DENND2B: variants seen among roughly 807,000 people sequenced by gnomAD.
DENND2B encodes DENN domain containing 2B.
DENND2B carries 32 observed loss-of-function variants against 116.0 expected under a neutral mutation model. That is an observed-to-expected ratio of 0.28 (90% CI 0.21 to 0.37). The LOEUF is 0.37. Ranked by LOEUF, DENND2B falls within the 10% of genes least tolerant of loss-of-function variation. The probability of loss-of-function intolerance (pLI) is 1.00; values close to 1 mark genes in which losing one functional copy is unlikely to be tolerated. For missense variants in DENND2B, 1,276 were observed against 1,477.7 expected, an observed-to-expected ratio of 0.86 and a Z score of 2.24; for synonymous variants, 588 against 583.9, an observed-to-expected ratio of 1.01 and a Z score of -0.10.
Position 8,712,903 on chromosome 11 carries a change from C to A in DENND2B, c.1988-168G>T, listed in dbSNP as rs1370281218. Among the ~76,000 whole-genome samples, 3 of 152,184 alleles carry A rather than the reference C, an allele frequency of 2.0e-5. No individual in the cohort carries two copies. Among genetic ancestry groups the A allele is most frequent in the Non-Finnish European group, 4.4e-5 (3 of 68,032 alleles). On this transcript the variant is annotated intron_variant, in intron 8 of 19. Coordinates refer to ENST00000313726, the MANE Select transcript of DENND2B (RefSeq NM_213618.2). The surrounding 1 kb of genome is among the most constrained non-coding windows in gnomAD (Gnocchi z 4.4). ...AGGACCGGCAGGCACAAGGTGCTGA[C>A]CCCTGCACAAAGACTCTGCCCTGAC...
chr11:8,861,831 G>A (rs980937510), intron 2 of DENND2B, among the ~76,000 whole-genome samples: 1 of 152,180 alleles, frequency 6.6e-6, no homozygotes, highest in Non-Finnish European at 1.5e-5. Context: ...TATACACCAT[G>A]GAATACTACT....
At position 8,867,947 on chromosome 11, in the gene DENND2B, T is replaced by C. The variant is rs74054242; in HGVS notation, c.-250+3007A>G. On this transcript the variant is annotated intron_variant, in intron 2 of 6. Coordinates refer to the DENND2B transcript ENST00000524757. The stretch of plus-strand genomic sequence containing the variant: ...AAAAGGCACATCAACTTACCTAAGA[T>C]GTTTAGGGCGAGGAAAAGCTTTTAA... 7.5e-3 allele frequency among the ~76,000 whole-genome samples: 1,145 copies of C among 152,282 alleles called. 11 individuals carry two copies. The highest frequency in any genetic ancestry group is 0.026 in the African/African-American group (1,081 of 41,554).
At position 8,700,139 on chromosome 11, in the gene DENND2B, T is replaced by C. The variant is rs530791252; in HGVS notation, c.2721-749A>G. 2.2e-4 allele frequency: 83 copies of C among 384,576 alleles called. 1 individual carries two copies. The highest frequency in any genetic ancestry group is 9.0e-4 in the African/African-American group (43 of 47,746). The allele number at this position is 384,576 out of a possible 1,614,324, so 23.8% of individuals were successfully genotyped here. A position where few individuals can be genotyped will look rare whatever the true frequency, so the allele number is the denominator to read the frequency against. On this transcript the variant is annotated intron_variant, in intron 14 of 19. Transcript: ENST00000313726. Reference sequence around the variant, plus strand: ...AGAACCTTCAGGAAAAGAAACCTCATGGTCCAGGCTCTCTTAGGGGCCACT... The same window carrying C: ...AGAACCTTCAGGAAAAGAAACCTCACGGTCCAGGCTCTCTTAGGGGCCACT...
chr11:8,774,143 T>C, intron 1 of DENND2B: 1 of 985,490 alleles, frequency 1.0e-6, no homozygotes, highest in Non-Finnish European at 1.2e-6. Context: ...GTGCTTTCTT[T>C]CTGGGCAGCA....
chr11:8,802,049 C>G (rs983668122), intron 1 of DENND2B, among the ~76,000 whole-genome samples: 4 of 150,588 alleles, frequency 2.7e-5, no homozygotes, highest in African/African-American at 9.8e-5. Context: ...ACCTATAATC[C>G]CAGCACTTTG....
chr11:8,759,408 G>A (rs905979765), intron 1 of DENND2B, among the ~76,000 whole-genome samples: 3 of 152,164 alleles, frequency 2.0e-5, no homozygotes, highest in African/African-American at 7.2e-5. Context: ...ACCACTGAGA[G>A]GAAACGTAAA....
At chr11:8,777,054 A>G (rs1288455749) in intron 1 of DENND2B, among the ~76,000 whole-genome samples, 2 of 152,228 alleles carry the variant, frequency 1.3e-5, no homozygotes, top group African/African-American at 4.8e-5. Flanking sequence ...CTATTATTAT[A>G]GGTATAATCT....
chr11:8,765,972 GA>G (rs1442029774), intron 1 of DENND2B, among the ~76,000 whole-genome samples: 2 of 152,072 alleles, frequency 1.3e-5, no homozygotes, highest in African/African-American at 4.8e-5. Context: ...CTGGGAGGCG[GA>G]GGATACAGTG....
chr11:8,869,903 G>A (rs1014418605), intron 2 of DENND2B, among the ~76,000 whole-genome samples: 2 of 148,958 alleles, frequency 1.3e-5, no homozygotes, highest in African/African-American at 2.5e-5. Flanking sequence ...CCCAGATTAC[G>A]TCTAACCTTT....
intron 1 of DENND2B, among the ~76,000 whole-genome samples, chr11:8,799,100 G>T (rs747327154): frequency 2.6e-5 from 4 of 152,154 alleles, no homozygotes; most frequent in African/African-American, 4.8e-5. Context: ...GGGATTACAG[G>T]CCTGAGCCAT....
chr11:8,873,615 G>A (rs1474768332), upstream of DENND2B, among the ~76,000 whole-genome samples: 1 of 152,204 alleles, frequency 6.6e-6, no homozygotes, highest in East Asian at 1.9e-4. Flanking sequence ...TTGCGTTAAC[G>A]TAATGTTCAC....
intron 1 of DENND2B, among the ~76,000 whole-genome samples, chr11:8,807,428 C>T (rs2060967827): frequency 6.6e-6 from 1 of 152,110 alleles, no homozygotes; most frequent in African/African-American, 2.4e-5. Context: ...CCAGTGGGGC[C>T]ATGATACTTG....
At chr11:8,798,439 C>A (rs1435058084) in intron 1 of DENND2B, among the ~76,000 whole-genome samples, 1 of 152,032 alleles carries the variant, frequency 6.6e-6, no homozygotes, top group Non-Finnish European at 1.5e-5. Flanking sequence ...TTGGGGAACA[C>A]CAAAAAATAA....
At position 8,840,051 on chromosome 11, in the gene DENND2B, A is replaced by G. The variant is rs11042096; in HGVS notation, c.-155-701T>C. Reference sequence around the variant, plus strand: ...GGTGGAAAAATTGAGAGCACAGACAAAAGGAAGGAGTGACCTCCCTGGAAG... The same window carrying G: ...GGTGGAAAAATTGAGAGCACAGACAGAAGGAAGGAGTGACCTCCCTGGAAG... On this transcript the variant is annotated intron_variant, in intron 3 of 6. Coordinates refer to the DENND2B transcript ENST00000524757. Among the ~76,000 whole-genome samples, 12 of 152,140 alleles carry G rather than the reference A, an allele frequency of 7.9e-5. No homozygotes were observed. In the East Asian group the frequency reaches 2.3e-3, roughly 29 times the overall value.
At position 8,730,757 on chromosome 11, in the gene DENND2B, G is replaced by A. The variant is rs751129902; in HGVS notation, c.533C>T (p.Ser178Leu). 1.5e-5 allele frequency: 24 copies of A among 1,612,490 alleles called. No homozygotes were observed. In the Middle Eastern group the frequency reaches 6.6e-4, roughly 44 times the overall value. Residue 178 changes from serine (S) to leucine (L), a missense_variant, in exon 3 of 20, where the codon TCG becomes TTG. Physicochemically the swap from Ser to Leu is moderately radical, Grantham distance 145. Transcript: ENST00000313726. The surrounding 1 kb of genome is among the most constrained non-coding windows in gnomAD (Gnocchi z 4.1). The stretch of plus-strand genomic sequence containing the variant: ...CTCTCCACACATGCTCATCCTGGGC[G>A]ACGCCTCTCGGCGACCTTCCCATGC... ...ISAWEGRREA[S>L]PRMSMCGEKR...
chr11:8,738,304 A>T (rs1051642049), intron 2 of DENND2B, among the ~76,000 whole-genome samples: 1 of 151,760 alleles, frequency 6.6e-6, no homozygotes. Context: ...TCAGGACATC[A>T]CTCTTCATGG....
At chr11:8,714,843 T>G (rs1282570039) in intron 6 of DENND2B, 137 bp from the exon 7 acceptor site, 1 of 699,248 alleles carries the variant, frequency 1.4e-6, no homozygotes, top group African/African-American at 1.8e-5. Context: ...AGGACTGGTC[T>G]AACTGCAGAA....
chr11:8,897,828 C>G (rs1371552290), intron 1 of DENND2B, among the ~76,000 whole-genome samples: 1 of 152,128 alleles, frequency 6.6e-6, no homozygotes, highest in Non-Finnish European at 1.5e-5. Flanking sequence ...CATGGTTGCT[C>G]AGGCTGGAGC....
At chr11:8,705,577 C>G (rs552544758) in intron 13 of DENND2B, among the ~76,000 whole-genome samples, 1 of 152,270 alleles carries the variant, frequency 6.6e-6, no homozygotes, top group South Asian at 2.1e-4. Context: ...TACTAAATAC[C>G]TTCTCTTGGG....
Sources: gnomAD v4.1 joint callset for allele counts (sites outside exome capture counted in the v4.1 genomes callset) on GRCh38, gnomAD v4.1.1 for gene constraint, Gnocchi (gnomAD v3.1) non-coding constraint, MANE v1.5 for transcripts, NCBI Gene and HGNC (gene_info 2026-07-23, HGNC 2026-07-21) for gene names.